Variants in MAPKAPK2 observed in about 807,000 individuals in gnomAD.
MAPKAPK2 encodes the protein MAPK activated protein kinase 2.
In MAPKAPK2, 9 loss-of-function variants were observed where a neutral mutation model predicts 48.8. The observed-to-expected ratio is 0.18, with a 90% CI of 0.11 to 0.32. The LOEUF is 0.32. Among genes scored for constraint, MAPKAPK2 ranks in the 10% least tolerant of loss-of-function variants. MAPKAPK2 has a pLI of 1.00. For synonymous variants in MAPKAPK2, 202 were observed against 190.6 expected (o/e 1.06, Z -0.49); for missense variants, 331 against 498.3 (o/e 0.66, Z 3.20).
At position 206,728,465 on chromosome 1, in the gene MAPKAPK2, C is replaced by T. The variant is rs560310561; in HGVS notation, c.280-245C>T. Reference sequence around the variant, plus strand: ...AGCTGGAGACAGGTCTAAGCTGGACCGAATGGCCTGAGGGCTGATCTCAGT... The same window carrying T: ...AGCTGGAGACAGGTCTAAGCTGGACTGAATGGCCTGAGGGCTGATCTCAGT... On this transcript the variant is annotated intron_variant, in intron 1 of 9. Transcript: ENST00000367103. Among the ~76,000 whole-genome samples, 6 of 152,182 alleles carry T rather than the reference C, an allele frequency of 3.9e-5. No homozygotes were observed. The South Asian group carries it at 8.3e-4, about 21-fold the overall frequency.
intron 1 of MAPKAPK2, among the ~76,000 whole-genome samples, chr1:206,695,314 C>T (rs1165246441): frequency 6.6e-6 from 1 of 152,120 alleles, no homozygotes; most frequent in African/African-American, 2.4e-5. Context: ...CATGATTCTT[C>T]GGCGTGCAGT....
intron 1 of MAPKAPK2, among the ~76,000 whole-genome samples, chr1:206,717,803 A>AT (rs1200955752): frequency 1.8e-4 from 27 of 151,956 alleles, no homozygotes; most frequent in Admixed American, 4.6e-4. Flanking sequence ...CTTTTACTTA[A>AT]TTTTTTTTAA....
At position 206,731,172 on chromosome 1, in the gene MAPKAPK2, G is replaced by A; in HGVS notation, c.802G>A (p.Gly268Ser). The A allele has an allele frequency of 6.2e-7, 1 of 1,614,116 alleles. No homozygotes were observed. The highest frequency in any genetic ancestry group is 1.3e-5 in the African/African-American group (1 of 75,000). The change falls in exon 7 of 10, where the codon GGC becomes AGC. Residue 268 changes from glycine to serine, a missense_variant. Transcript: ENST00000367103. The surrounding 1 kb of genome is among the most constrained non-coding windows in gnomAD (Gnocchi z 5.9). ...CGYPPFYSNH[G>S]LAISPGMKTR... ...GTATCCCCCCTTCTACTCCAACCAC[G>A]GCCTTGCCATCTCTCCGGGCATGAA...
Position 206,731,816 on chromosome 1 carries a change from G to C in MAPKAPK2, c.979-23G>C, listed in dbSNP as rs371069468. The C allele has an allele frequency of 3.1e-6, 5 of 1,613,370 alleles. No homozygotes were observed. The South Asian group carries it at 5.5e-5, about 18-fold the overall frequency. On this transcript the variant is annotated intron_variant, in intron 8 of 9. Coordinates refer to ENST00000367103, the MANE Select transcript of MAPKAPK2 (RefSeq NM_032960.4). This position sits in a 1 kb window ranked among gnomAD's most constrained non-coding sequence, Gnocchi z 5.9. ...AGGACCCTACCCCAGGCTTTCACTC[G>C]GACCCCTTTTCTCTCTTCTCAGCAA...
chr1:206,701,831 T>TAAAA lies in MAPKAPK2; in HGVS notation c.279+16345_279+16348dup, dbSNP rs1181483621. 5.9e-4 allele frequency among the ~76,000 whole-genome samples: 51 copies of TAAAA among 86,898 alleles called. 1 individual carries two copies. The highest frequency in any genetic ancestry group is 1.9e-3 in the East Asian group (5 of 2,654). 57.0% of individuals were successfully genotyped at this position (86,898 alleles called of 152,430 possible). A position where few individuals can be genotyped will look rare whatever the true frequency, so the allele number is the denominator to read the frequency against. ...GGGCAACAGAATGAGACCCTGTCTCTAAAAAAAAAAAAAAAAAAAAAAAAA... is the reference window on the plus strand; with the variant it reads ...GGGCAACAGAATGAGACCCTGTCTCTAAAAAAAAAAAAAAAAAAAAAAAAAAAAA... On this transcript the variant is annotated intron_variant, in intron 1 of 9. Coordinates refer to ENST00000367103, the MANE Select transcript of MAPKAPK2 (RefSeq NM_032960.4).
chr1:206,715,873 CCT>C (rs1553430277), intron 1 of MAPKAPK2, among the ~76,000 whole-genome samples: 1 of 151,778 alleles, frequency 6.6e-6, no homozygotes, highest in Non-Finnish European at 1.5e-5. Context: ...CTTTTTGTAT[CCT>C]CTTAGTCATC....
At chr1:206,725,321 G>C (rs1673670493) in intron 1 of MAPKAPK2, among the ~76,000 whole-genome samples, 1 of 152,204 alleles carries the variant, frequency 6.6e-6, no homozygotes, top group African/African-American at 2.4e-5. Flanking sequence ...CTGGTTGGCA[G>C]ATGTCCTGGT....
chr1:206,719,783 G>A (rs141744931), intron 1 of MAPKAPK2, among the ~76,000 whole-genome samples: 1 of 152,340 alleles, frequency 6.6e-6, no homozygotes, highest in Non-Finnish European at 1.5e-5. Context: ...GCAGCTGTCT[G>A]TAATTTTGAG....
intron 1 of MAPKAPK2, among the ~76,000 whole-genome samples, chr1:206,713,911 C>T (rs782769889): frequency 3.3e-5 from 5 of 152,026 alleles, no homozygotes; most frequent in African/African-American, 9.7e-5. Flanking sequence ...ACCCAGTAAG[C>T]GATAGCAGGA....
intron 1 of MAPKAPK2, among the ~76,000 whole-genome samples, chr1:206,711,658 C>T (rs998403481): frequency 3.3e-5 from 5 of 149,524 alleles, no homozygotes; most frequent in Non-Finnish European, 5.9e-5. Context: ...CACTCTGTCC[C>T]CCATGCTGGA....
chr1:206,705,816 C>A (rs1049077847), intron 1 of MAPKAPK2, among the ~76,000 whole-genome samples: 1 of 152,212 alleles, frequency 6.6e-6, no homozygotes, highest in African/African-American at 2.4e-5. Context: ...TGGACTTGTG[C>A]TTGGAACGTT....
rs1347766313 is a variant in MAPKAPK2, at chr1:206,730,541, T to G, written c.692-147T>G. ...GGATGTTCTGTTCCAGTCCCTGGGC[T>G]GGGCTTTGGCTCTTCCTTCTGTGCC... is the stretch of plus-strand genomic sequence containing the variant. On this transcript the variant is annotated intron_variant, in intron 5 of 9. Coordinates refer to ENST00000367103, the MANE Select transcript of MAPKAPK2 (RefSeq NM_032960.4). The G allele has an allele frequency of 2.0e-5, 14 of 691,318 alleles. No individual in the cohort carries two copies. The East Asian group carries it at 3.7e-4, about 18-fold the overall frequency. 42.8% of individuals were successfully genotyped at this position (691,318 alleles called of 1,614,324 possible). A position where few individuals can be genotyped will look rare whatever the true frequency, so the allele number is the denominator to read the frequency against.
chr1:206,724,602 G>A (rs1192414502), intron 1 of MAPKAPK2, among the ~76,000 whole-genome samples: 1 of 148,472 alleles, frequency 6.7e-6, no homozygotes, highest in Non-Finnish European at 1.5e-5. Context: ...TACAAATGCA[G>A]GATGTGCAAT....
chr1:206,710,628 A>G (rs1240597507), intron 1 of MAPKAPK2, among the ~76,000 whole-genome samples: 2 of 152,228 alleles, frequency 1.3e-5, no homozygotes, highest in Admixed American at 1.3e-4. Context: ...AAATGAGGAA[A>G]GTGGTTTGAT....
chr1:206,685,275 G>A lies in MAPKAPK2; in HGVS notation c.46G>A (p.Ala16Thr). The A allele has an allele frequency of 7.5e-6, 2 of 267,562 alleles. No individual in the cohort carries two copies. The highest frequency in any genetic ancestry group is 5.2e-5 in the Admixed American group (1 of 19,080). The allele number at this position is 267,562 out of a possible 1,614,324, so 16.6% of individuals were successfully genotyped here. Residue 16 changes from alanine (A) to threonine (T), a missense_variant, in exon 1 of 10, where the codon GCC becomes ACC. Ala to Thr is a moderately conservative substitution (Grantham distance 58). Transcript: ENST00000367103. ...QGQSPPVPFP[A>T]PAPPPQPPTP... ...CCAGAGCCCGCCGGTGCCGTTCCCC[G>A]CCCCGGCCCCGCCGCCGCAGCCCCC...
chr1:206,707,266 GCCC>G (rs1553428722), intron 1 of MAPKAPK2, among the ~76,000 whole-genome samples: 1 of 152,000 alleles, frequency 6.6e-6, no homozygotes, highest in African/African-American at 2.4e-5. Flanking sequence ...CTTCCTCCAG[GCCC>G]CCACTAAGTA....
intron 1 of MAPKAPK2, among the ~76,000 whole-genome samples, chr1:206,709,885 C>G (rs1673083277): frequency 6.6e-6 from 1 of 152,208 alleles, no homozygotes; most frequent in East Asian, 1.9e-4. Flanking sequence ...ACCCATGCCC[C>G]CAAGTTATGA....
chr1:206,694,219 G>A (rs1672546002), intron 1 of MAPKAPK2, among the ~76,000 whole-genome samples: 1 of 152,196 alleles, frequency 6.6e-6, no homozygotes, highest in South Asian at 2.1e-4. Context: ...CTGCTTTCAG[G>A]AATTATGGTT....
rs1673942874 is a variant in MAPKAPK2 at position 206,732,328 on chromosome 1, C to T, written c.1060-247C>T. The T allele has an allele frequency of 2.1e-5, 31 of 1,443,244 alleles. 1 individual carries two copies. The highest frequency in any genetic ancestry group is 9.9e-5 in the East Asian group (4 of 40,256). The allele number at this position is 1,443,244 out of a possible 1,614,324, so 89.4% of individuals were successfully genotyped here. A position where few individuals can be genotyped will look rare whatever the true frequency, so the allele number is the denominator to read the frequency against. On this transcript the variant is annotated intron_variant, in intron 9 of 9. Transcript: ENST00000367103. This position sits in a 1 kb window ranked among gnomAD's most constrained non-coding sequence, Gnocchi z 4.4. The stretch of plus-strand genomic sequence containing the variant: ...GCCCAAGTCTCTTCCTCCTATCCTG[C>T]GGGATCACTGGGGGGCTCTCAGGGA...
Sources: gnomAD v4.1 joint callset for allele counts (sites outside exome capture counted in the v4.1 genomes callset) on GRCh38, gnomAD v4.1.1 for gene constraint, Gnocchi (gnomAD v3.1) non-coding constraint, MANE v1.5 for transcripts, NCBI Gene and HGNC (gene_info 2026-07-23, HGNC 2026-07-21) for gene names.